The following AAK1 variants were observed in gnomAD, a reference collection of about 807,000 sequenced individuals.
AAK1 encodes AP2-associated protein kinase 1.
A neutral mutation model predicts 116.0 loss-of-function variants in AAK1; 37 were observed. The ratio of observed to expected loss-of-function variants is 0.32; its 90% CI spans 0.25 to 0.42. The LOEUF is 0.42. Among genes scored for constraint, AAK1 ranks in the 10% least tolerant of loss-of-function variants. The pLI, the probability that AAK1 is intolerant of heterozygous loss-of-function variation, is 1.00. For synonymous variants in AAK1, 458 were observed against 439.9 expected, an observed-to-expected ratio of 1.04 and a Z score of -0.51; for missense variants, 919 against 1,170.6, an observed-to-expected ratio of 0.79 and a Z score of 3.14.
At chr2:69,480,502 T>C (rs1055794096) in intron 19 of AAK1, among the ~76,000 whole-genome samples, 1 of 152,130 alleles carries the variant, frequency 6.6e-6, no homozygotes, top group Non-Finnish European at 1.5e-5. Flanking sequence ...ACTGGAAAGA[T>C]GTACAGCAAT....
At chr2:69,529,273 C>T (rs563334119) in intron 8 of AAK1, among the ~76,000 whole-genome samples, 27 of 152,302 alleles carry the variant, frequency 1.8e-4, no homozygotes, top group Admixed American at 1.3e-3. Context: ...AAATGGGTTA[C>T]TCAGGATTTA....
At chr2:69,489,813 G>A (rs923417921) in intron 17 of AAK1, among the ~76,000 whole-genome samples, 1 of 152,172 alleles carries the variant, frequency 6.6e-6, no homozygotes, top group African/African-American at 2.4e-5. Flanking sequence ...CAAGTTGGAA[G>A]CAAAAGTCAA....
At chr2:69,523,400 CTTTAGAGGCA>C (rs1326687949) in intron 10 of AAK1, among the ~76,000 whole-genome samples, 65 of 152,302 alleles carry the variant, frequency 4.3e-4, no homozygotes, top group African/African-American at 1.5e-3. Context: ...AGTCTCACTA[CTTTAGAGGCA>C]CATCTAAAAT....
At chr2:69,641,191 G>A (rs560973584) in intron 2 of AAK1, among the ~76,000 whole-genome samples, 9 of 152,338 alleles carry the variant, frequency 5.9e-5, no homozygotes, top group Middle Eastern at 6.8e-3. Context: ...AGCATCATCC[G>A]TGATGAGACA....
intron 3 of AAK1, among the ~76,000 whole-genome samples, chr2:69,550,025 T>C (rs551092048): frequency 9.0e-4 from 137 of 152,308 alleles, no homozygotes; most frequent in South Asian, 2.3e-3. Context: ...TTTTAGAAAG[T>C]TTCCTCCAGA....
At position 69,472,610 on chromosome 2, in the gene AAK1, T is replaced by C; in HGVS notation, c.*3259A>G. 1.0e-6 allele frequency: 1 copy of C among 985,228 alleles called. No homozygotes were observed. Among genetic ancestry groups the C allele is most frequent in the Non-Finnish European group, 1.2e-6 (1 of 829,744 alleles). 61.0% of individuals were successfully genotyped at this position (985,228 alleles called of 1,614,324 possible). A position where few individuals can be genotyped will look rare whatever the true frequency, so the allele number is the denominator to read the frequency against. On this transcript the variant is annotated 3_prime_UTR_variant, in exon 22 of 22. Transcript: ENST00000409085. ...GTGTCCACTTAAGCCTTATCTCCTCTGAGGTATGTATTTTTGAAAACATTG... is the reference window on the plus strand; with the variant it reads ...GTGTCCACTTAAGCCTTATCTCCTCCGAGGTATGTATTTTTGAAAACATTG...
chr2:69,553,437 G>GTTTTTTTTTTTTTTTTTTTTTTT, intron 3 of AAK1, among the ~76,000 whole-genome samples: 1 of 79,598 alleles, frequency 1.3e-5, no homozygotes, highest in Non-Finnish European at 2.2e-5. Flanking sequence ...ATTGAAAGTT[G>GTTTTTTTTTTTTTTTTTTTTTTT]TTTTTTTTTT....
At chr2:69,496,945 G>T (rs555980342) in intron 16 of AAK1, among the ~76,000 whole-genome samples, 1 of 152,082 alleles carries the variant, frequency 6.6e-6, no homozygotes, top group East Asian at 1.9e-4. Context: ...CATACTATTG[G>T]CATTCATTCT....
Position 69,629,419 on chromosome 2 carries a change from A to G in AAK1, c.163+13459T>C, listed in dbSNP as rs376032229. 3.7e-4 allele frequency among the ~76,000 whole-genome samples: 57 copies of G among 152,350 alleles called. No individual in the cohort carries two copies. The South Asian group carries it at 0.011, about 29-fold the overall frequency. On this transcript the variant is annotated intron_variant, in intron 2 of 21. Transcript: ENST00000409085. ...CCTTTATATAGCTAAGATACACCCT[A>G]TATCTCTACTTTTGAGATCAATGGT... is the stretch of plus-strand genomic sequence containing the variant.
intron 12 of AAK1, chr2:69,517,061 A>C (rs1033228331): frequency 6.6e-6 from 1 of 152,344 alleles, no homozygotes; most frequent in South Asian, 2.1e-4. Flanking sequence ...AAAACAAAAC[A>C]AAAAAAGCAA....
At chr2:69,526,328 A>G (rs1373794159) in intron 9 of AAK1, among the ~76,000 whole-genome samples, 2 of 152,222 alleles carry the variant, frequency 1.3e-5, no homozygotes, top group African/African-American at 4.8e-5. Context: ...AGAGTGAAAG[A>G]GGAGCAGCAC....
chr2:69,503,053 C>CGGCT (rs1393579625), intron 16 of AAK1, among the ~76,000 whole-genome samples: 2 of 152,152 alleles, frequency 1.3e-5, no homozygotes, highest in Non-Finnish European at 2.9e-5. Context: ...GGGCCACAGA[C>CGGCT]AGCCCTTCAG....
chr2:69,497,506 T>C (rs1467964772), intron 16 of AAK1, among the ~76,000 whole-genome samples: 1 of 151,894 alleles, frequency 6.6e-6, no homozygotes, highest in Non-Finnish European at 1.5e-5. Context: ...TTTACCATGT[T>C]GGCCAGGCTG....
chr2:69,507,252 TA>T (rs1237111612), intron 15 of AAK1, among the ~76,000 whole-genome samples, 168 bp downstream of exon 15: 23 of 152,150 alleles, frequency 1.5e-4, no homozygotes, highest in Non-Finnish European at 1.5e-5. Flanking sequence ...ATGGTAAAAA[TA>T]AAAACTGACT....
intron 2 of AAK1, among the ~76,000 whole-genome samples, chr2:69,593,552 T>C (rs78338987): frequency 5.3e-5 from 8 of 152,024 alleles, no homozygotes; most frequent in African/African-American, 1.7e-4. Flanking sequence ...TCTTTATACA[T>C]AGAAAAGGGC....
intron 10 of AAK1, among the ~76,000 whole-genome samples, chr2:69,523,577 A>G (rs76025332): frequency 6.6e-6 from 1 of 152,166 alleles, no homozygotes; most frequent in South Asian, 2.1e-4. Flanking sequence ...GGTAGAAAAA[A>G]GAGGAGTATA....
At chr2:69,617,255 AG>A (rs1392372060) in intron 2 of AAK1, among the ~76,000 whole-genome samples, 1 of 152,242 alleles carries the variant, frequency 6.6e-6, no homozygotes, top group Non-Finnish European at 1.5e-5. Flanking sequence ...TGAATTTTCA[AG>A]GAATTCAATT....
intron 16 of AAK1, among the ~76,000 whole-genome samples, chr2:69,501,833 C>T (rs928065282): frequency 6.6e-5 from 10 of 151,912 alleles, no homozygotes; most frequent in African/African-American, 2.2e-4. Context: ...TAGCTGGGCA[C>T]GGTGGCGTGC....
intron 20 of AAK1, 128 bp downstream of exon 20, chr2:69,478,823 T>C (rs1003810681): frequency 4.2e-6 from 3 of 715,536 alleles, no homozygotes; most frequent in Non-Finnish European, 7.3e-6. Context: ...GATACTCAAG[T>C]TTTCCATACA....
Sources: gnomAD v4.1 joint callset for allele counts (sites outside exome capture counted in the v4.1 genomes callset) on GRCh38, gnomAD v4.1.1 for gene constraint, MANE v1.5 for transcripts, NCBI Gene and HGNC (gene_info 2026-07-23, HGNC 2026-07-21) for gene names.